UBA6: variants seen among roughly 807,000 people sequenced by gnomAD.
UBA6 encodes the protein ubiquitin-like modifier-activating enzyme 6.
Under a neutral mutation model 148.3 loss-of-function variants are expected in UBA6, and 87 were observed. The ratio of observed to expected loss-of-function variants is 0.59; its 90% CI spans 0.49 to 0.70. The LOEUF (loss-of-function observed/expected upper bound fraction) is 0.70. UBA6 is among the 30% of genes least tolerant of loss of function. The probability of loss-of-function intolerance (pLI) is 0.00; values close to 1 mark genes in which losing one functional copy is unlikely to be tolerated. For missense variants in UBA6, 1,186 were observed against 1,241.2 expected, an observed-to-expected ratio of 0.96 and a Z score of 0.67; for synonymous variants, 376 against 401.0, an observed-to-expected ratio of 0.94 and a Z score of 0.75.
intron 9 of UBA6, 115 bp downstream of exon 9, chr4:67,668,436 G>T: frequency 1.1e-6 from 1 of 941,534 alleles, no homozygotes. Flanking sequence ...ATATTTTGAG[G>T]CCAAGGGCTT....
intron 2 of UBA6, among the ~76,000 whole-genome samples, chr4:67,684,332 G>C (rs982930505): frequency 7.9e-5 from 12 of 151,948 alleles, no homozygotes; most frequent in African/African-American, 2.7e-4. Context: ...TTAATATTTA[G>C]ATTTTAGTTT....
chr4:67,663,795 C>A, intron 11 of UBA6, 90 bp downstream of exon 11: 1 of 1,115,148 alleles, frequency 9.0e-7, no homozygotes, highest in South Asian at 1.2e-5. Flanking sequence ...CAGATACCTA[C>A]ATGGTTATTC....
At chr4:67,667,467 A>T (rs1317879652) in intron 9 of UBA6, among the ~76,000 whole-genome samples, 1 of 152,198 alleles carries the variant, frequency 6.6e-6, no homozygotes, top group Admixed American at 6.5e-5. Context: ...AGTTATCTAT[A>T]AACAGTTTGT....
intron 18 of UBA6, among the ~76,000 whole-genome samples, chr4:67,640,227 A>T (rs1335196326): frequency 1.3e-5 from 2 of 152,258 alleles, no homozygotes; most frequent in East Asian, 1.9e-4. Flanking sequence ...GTAAAATAAG[A>T]ATGAACAGGA....
chr4:67,625,300 T>C, intron 28 of UBA6, 113 bp from the exon 29 acceptor site: 1 of 817,862 alleles, frequency 1.2e-6, no homozygotes, highest in East Asian at 2.7e-5. Flanking sequence ...TATTTTTTAA[T>C]GACTGAGAAA....
intron 13 of UBA6, among the ~76,000 whole-genome samples, chr4:67,653,980 T>G (rs1181310045): frequency 2.0e-5 from 3 of 151,660 alleles, no homozygotes; most frequent in Non-Finnish European, 2.9e-5. Flanking sequence ...GAAGACAAGA[T>G]TAGAGAAAAA....
At chr4:67,685,351 T>C (rs1730532441) in intron 2 of UBA6, among the ~76,000 whole-genome samples, 2 of 152,196 alleles carry the variant, frequency 1.3e-5, no homozygotes, top group Admixed American at 1.3e-4. Flanking sequence ...GTTTTCTATT[T>C]CCTTTACAAT....
In UBA6 at chr4:67,645,434, A is replaced by G. The variant is rs1323311640; in HGVS notation, c.1395+504T>C. On this transcript the variant is annotated intron_variant, in intron 16 of 32. Transcript: ENST00000322244. ...GCCAATATGGTGAAACTCCGTCTCTATTGAAAATACAAAAATTACCTGGGC... is the reference window on the plus strand; with the variant it reads ...GCCAATATGGTGAAACTCCGTCTCTGTTGAAAATACAAAAATTACCTGGGC... Among the ~76,000 whole-genome samples the G allele has an allele frequency of 2.6e-5, 4 of 152,150 alleles. No individual in the cohort carries two copies. In the East Asian group the frequency reaches 5.8e-4, roughly 22 times the overall value.
At chr4:67,623,574 G>A (rs1305521220) in intron 30 of UBA6, among the ~76,000 whole-genome samples, 16 of 152,052 alleles carry the variant, frequency 1.1e-4, no homozygotes, top group Non-Finnish European at 5.9e-5. Context: ...CATTGGCCAC[G>A]ATAAATAATG....
intron 28 of UBA6, 122 bp from the exon 29 acceptor site, chr4:67,625,309 AAC>A: frequency 1.3e-6 from 1 of 765,754 alleles, no homozygotes; most frequent in Non-Finnish European, 1.9e-6. Flanking sequence ...ATGACTGAGA[AAC>A]ATAAGAAAAA....
intron 25 of UBA6, 45 bp downstream of exon 25, chr4:67,631,663 G>A: frequency 7.1e-7 from 1 of 1,416,760 alleles, no homozygotes; most frequent in Non-Finnish European, 9.8e-7. Flanking sequence ...TTACAGTAAA[G>A]AAATATATAA....
At position 67,624,239 on chromosome 4, in the gene UBA6, C is replaced by T. The variant is rs1257293534; in HGVS notation, c.2727G>A (p.Met909Ile). ...ATVSGLVALE[M>I]IKVTGGYPFE... ...ATGGATAGCCACCAGTTACTTTGATCATCTCCAAGGCAACCTAGATAAAAG... is the reference window on the plus strand; with the variant it reads ...ATGGATAGCCACCAGTTACTTTGATTATCTCCAAGGCAACCTAGATAAAAG... Residue 909 changes from methionine (M) to isoleucine (I), a missense_variant, in exon 30 of 33, where the codon ATG (methionine) becomes ATA (isoleucine). By Grantham distance (10) the Met-to-Ile change is conservative (BLOSUM62 1). Coordinates refer to ENST00000322244, the MANE Select transcript of UBA6 (RefSeq NM_018227.6). 3 of 1,608,006 alleles carry T rather than the reference C, an allele frequency of 1.9e-6. No homozygotes were observed. The highest frequency in any genetic ancestry group is 2.5e-6 in the Non-Finnish European group (3 of 1,177,620).
intron 13 of UBA6, among the ~76,000 whole-genome samples, chr4:67,658,411 T>G (rs754492770): frequency 6.6e-6 from 1 of 152,152 alleles, no homozygotes; most frequent in Non-Finnish European, 1.5e-5. Flanking sequence ...TTCCATCAAG[T>G]GATGTAAAAA....
Position 67,666,598 on chromosome 4 carries a change from G to GT in UBA6, c.794-1307dup, listed in dbSNP as rs1011337714. Reference sequence around the variant, plus strand: ...ACAATGTTTTTTGGCTGGTCATGAGGTTTTTTTATCTTCATACCTGTAATG... The same window carrying GT: ...ACAATGTTTTTTGGCTGGTCATGAGGTTTTTTTTATCTTCATACCTGTAATG... On this transcript the variant is annotated intron_variant, in intron 9 of 32. Coordinates refer to ENST00000322244, the MANE Select transcript of UBA6 (RefSeq NM_018227.6). 4.6e-5 allele frequency among the ~76,000 whole-genome samples: 7 copies of GT among 152,160 alleles called. No homozygotes were observed. In the South Asian group the frequency reaches 1.0e-3, roughly 23 times the overall value.
intron 2 of UBA6, among the ~76,000 whole-genome samples, chr4:67,688,530 C>A (rs925895058): frequency 2.0e-5 from 3 of 151,890 alleles, no homozygotes; most frequent in African/African-American, 7.3e-5. Flanking sequence ...AAAATAAAAC[C>A]CCTTTGAGAG....
intron 13 of UBA6, among the ~76,000 whole-genome samples, chr4:67,654,798 C>T (rs906597186): frequency 2.7e-5 from 4 of 149,390 alleles, no homozygotes; most frequent in East Asian, 2.0e-4. Context: ...ACCCATCTCA[C>T]GTGCAAAGAG....
Position 67,668,692 on chromosome 4 carries a change from C to G in UBA6, c.670-18G>C. 1 of 1,599,648 alleles carries G rather than the reference C, an allele frequency of 6.3e-7. No homozygotes were observed. The highest frequency in any genetic ancestry group is 8.5e-7 in the Non-Finnish European group (1 of 1,173,164). On this transcript the variant is annotated intron_variant, in intron 8 of 32. Transcript: ENST00000322244. Reference sequence around the variant, plus strand: ...GGATTTGCCTAAAAATAAGAGTAATCTATTAAAAAAGAACTTCTTTTTTGT... The same window carrying G: ...GGATTTGCCTAAAAATAAGAGTAATGTATTAAAAAAGAACTTCTTTTTTGT...
chr4:67,666,051 G>A (rs1328655961), intron 9 of UBA6, among the ~76,000 whole-genome samples: 1 of 152,170 alleles, frequency 6.6e-6, no homozygotes, highest in Admixed American at 6.5e-5. Flanking sequence ...GTCTGGGCAT[G>A]GTGGCATGTG....
chr4:67,674,382 G>A (rs558763449), intron 6 of UBA6, among the ~76,000 whole-genome samples: 5 of 152,182 alleles, frequency 3.3e-5, no homozygotes, highest in Admixed American at 2.0e-4. Context: ...AAAAACTTGA[G>A]GGATGAGGTA....
Sources: gnomAD v4.1 joint callset for allele counts (sites outside exome capture counted in the v4.1 genomes callset) on GRCh38, gnomAD v4.1.1 for gene constraint, MANE v1.5 for transcripts, NCBI Gene and HGNC (gene_info 2026-07-23, HGNC 2026-07-21) for gene names.